Variants in ATP6V1H observed in about 807,000 individuals in gnomAD.
ATP6V1H encodes the protein V-type proton ATPase subunit H.
Under a neutral mutation model 71.7 loss-of-function variants are expected in ATP6V1H, and 39 were observed. That is an observed-to-expected ratio of 0.54 (90% confidence interval 0.42 to 0.71). ATP6V1H has a LOEUF of 0.71. Among genes scored for constraint, ATP6V1H ranks in the 30% least tolerant of loss-of-function variants. The pLI, the probability that ATP6V1H is intolerant of heterozygous loss-of-function variation, is 0.00. For missense variants in ATP6V1H, 509 were observed against 594.9 expected (o/e 0.86, Z 1.50); for synonymous variants, 192 against 199.3 (o/e 0.96, Z 0.31).
intron 4 of ATP6V1H, among the ~76,000 whole-genome samples, chr8:53,820,183 TCTAA>T (rs938321498): frequency 4.0e-5 from 6 of 151,404 alleles, no homozygotes; most frequent in African/African-American, 1.5e-4. Context: ...TAAAATAAAC[TCTAA>T]CTATGAAGAA....
At chr8:53,778,292 T>C (rs547429748) in intron 9 of ATP6V1H, among the ~76,000 whole-genome samples, 3 of 152,298 alleles carry the variant, frequency 2.0e-5, no homozygotes, top group East Asian at 3.9e-4. Flanking sequence ...ATCAAGGTAA[T>C]TGGGATGCCC....
intron 13 of ATP6V1H, among the ~76,000 whole-genome samples, chr8:53,723,574 G>A (rs1249324643): frequency 6.6e-6 from 1 of 152,208 alleles, no homozygotes; most frequent in East Asian, 1.9e-4. Flanking sequence ...TGGCCACTAT[G>A]CATGTCTCCA....
chr8:53,780,108 G>T (rs1400793470), intron 9 of ATP6V1H, among the ~76,000 whole-genome samples: 1 of 149,258 alleles, frequency 6.7e-6, no homozygotes, highest in African/African-American at 2.5e-5. Context: ...GCAGCGAGCC[G>T]AGATCATGCC....
chr8:53,765,482 CACACA>C (rs1355508657), intron 11 of ATP6V1H, among the ~76,000 whole-genome samples: 1 of 145,886 alleles, frequency 6.9e-6, no homozygotes, highest in African/African-American at 2.5e-5. Context: ...CACACACACA[CACACA>C]CACACACACA....
chr8:53,823,765 T>C (rs1810736415), intron 4 of ATP6V1H, among the ~76,000 whole-genome samples: 1 of 152,186 alleles, frequency 6.6e-6, no homozygotes, highest in Admixed American at 6.5e-5. Context: ...TGAGCCACCA[T>C]GCCTGGCCAA....
intron 9 of ATP6V1H, among the ~76,000 whole-genome samples, chr8:53,793,853 C>T (rs748490039): frequency 3.3e-5 from 5 of 152,084 alleles, no homozygotes; most frequent in Non-Finnish European, 5.9e-5. Flanking sequence ...GCACGAGAAA[C>T]GCTTGAATCC....
At chr8:53,766,602 G>A (rs1034717698) in intron 11 of ATP6V1H, among the ~76,000 whole-genome samples, 4 of 152,178 alleles carry the variant, frequency 2.6e-5, no homozygotes, top group African/African-American at 7.2e-5. Context: ...AAATATCGCT[G>A]AATTCTTTTT....
intron 8 of ATP6V1H, among the ~76,000 whole-genome samples, chr8:53,797,146 T>C (rs757778213): frequency 7.9e-5 from 12 of 152,252 alleles, no homozygotes; most frequent in Non-Finnish European, 1.8e-4. Flanking sequence ...CCAAGCCTTC[T>C]GCACTTGGCT....
Position 53,817,537 on chromosome 8 carries a change from A to C in ATP6V1H, c.307-7T>G. On this transcript the variant is annotated splice_polypyrimidine_tract_variant and splice_region_variant and intron_variant, in intron 4 of 13. Coordinates refer to ENST00000359530, the MANE Select transcript of ATP6V1H (RefSeq NM_015941.4). ...TAACACGCTGATGATTTTCCTAAAA[A>C]AGAAAAGAAATGATATCACCAGTCA... 1.3e-6 allele frequency: 2 copies of C among 1,586,006 alleles called. No individual in the cohort carries two copies. Among genetic ancestry groups the C allele is most frequent in the Admixed American group, 1.7e-5 (1 of 59,044 alleles).
At chr8:53,777,388 G>A (rs983585951) in intron 9 of ATP6V1H, among the ~76,000 whole-genome samples, 1 of 151,784 alleles carries the variant, frequency 6.6e-6, no homozygotes, top group South Asian at 2.1e-4. Flanking sequence ...CATCAGAAAC[G>A]ATGGAGATGA....
rs1811396759 is a variant in ATP6V1H, at chr8:53,843,053, C to T, written c.-55G>A. On this transcript the variant is annotated 5_prime_UTR_variant, in exon 1 of 14. Transcript: ENST00000359530. The stretch of plus-strand genomic sequence containing the variant: ...CCTTACCTCGCGAATCCTCGGGACC[C>T]CACAACGCACCCAAAGCCGGCAGGG... 1 of 152,366 alleles carries T rather than the reference C, an allele frequency of 6.6e-6. No homozygotes were observed. Among genetic ancestry groups the T allele is most frequent in the Admixed American group, 6.5e-5 (1 of 15,288 alleles). 9.4% of individuals were successfully genotyped at this position (152,366 alleles called of 1,614,324 possible).
chr8:53,822,162 T>C (rs1810684872), intron 4 of ATP6V1H, among the ~76,000 whole-genome samples: 2 of 152,120 alleles, frequency 1.3e-5, no homozygotes, highest in Non-Finnish European at 2.9e-5. Context: ...AGTATGAAGA[T>C]TACAGGAAAA....
intron 13 of ATP6V1H, among the ~76,000 whole-genome samples, chr8:53,743,132 T>C (rs976684379): frequency 1.3e-5 from 2 of 152,202 alleles, no homozygotes; most frequent in African/African-American, 4.8e-5. Context: ...GCAAAAACTA[T>C]AGTGAATGAA....
chr8:53,734,699 G>C (rs534783821), intron 13 of ATP6V1H, among the ~76,000 whole-genome samples: 4 of 152,176 alleles, frequency 2.6e-5, no homozygotes, highest in Non-Finnish European at 4.4e-5. Context: ...GAACACCAGC[G>C]AGCTCCCACT....
intron 9 of ATP6V1H, 124 bp downstream of exon 9, chr8:53,795,523 C>T: frequency 5.8e-6 from 5 of 863,836 alleles, no homozygotes; most frequent in Non-Finnish European, 9.2e-6. Flanking sequence ...TCTATATTCA[C>T]CAAGACTCTA....
chr8:53,765,437 T>G (rs886831872), intron 11 of ATP6V1H, among the ~76,000 whole-genome samples: 21 of 59,502 alleles, frequency 3.5e-4, no homozygotes, highest in African/African-American at 7.2e-4. Flanking sequence ...GGGAGGGTGG[T>G]GGACAACAAC....
intron 12 of ATP6V1H, among the ~76,000 whole-genome samples, chr8:53,744,412 G>A (rs1325812438): frequency 6.6e-6 from 1 of 152,184 alleles, no homozygotes; most frequent in Non-Finnish European, 1.5e-5. Flanking sequence ...TTGGTCCTCT[G>A]TTTCTTTGCA....
intron 11 of ATP6V1H, among the ~76,000 whole-genome samples, chr8:53,769,357 T>C (rs1808572193): frequency 6.6e-6 from 1 of 152,096 alleles, no homozygotes; most frequent in South Asian, 2.1e-4. Flanking sequence ...GATGAAAATA[T>C]ATATATGAGA....
chr8:53,782,305 T>C (rs1391024040), intron 9 of ATP6V1H, among the ~76,000 whole-genome samples: 1 of 151,794 alleles, frequency 6.6e-6, no homozygotes, highest in Non-Finnish European at 1.5e-5. Context: ...TTGAAGCAAT[T>C]GTGAATGGGA....
Sources: allele counts gnomAD v4.1 joint callset (sites outside exome capture counted in the v4.1 genomes callset), GRCh38; gene constraint gnomAD v4.1.1; transcripts MANE v1.5; gene names NCBI Gene and HGNC (gene_info 2026-07-23, HGNC 2026-07-21).